The following FANCD2 variants were observed in gnomAD, a reference collection of about 807,000 sequenced individuals.
FANCD2 encodes Fanconi anemia group D2 protein.
A neutral mutation model predicts 192.3 loss-of-function variants in FANCD2; 131 were observed. The observed-to-expected ratio is 0.68, with a 90% CI of 0.59 to 0.79. The LOEUF (loss-of-function observed/expected upper bound fraction) is 0.79. FANCD2 is among the 30% of genes least tolerant of loss of function. The pLI, the probability that FANCD2 is intolerant of heterozygous loss-of-function variation, is 0.00. For missense variants in FANCD2, 1,508 were observed against 1,701.6 expected (o/e 0.89, Z 2.00); for synonymous variants, 524 against 612.5 (o/e 0.86, Z 2.13).
At chr3:10,033,153 A>G (rs1218284742) in intron 3 of FANCD2, among the ~76,000 whole-genome samples, 181 bp downstream of exon 3, 1 of 152,128 alleles carries the variant, frequency 6.6e-6, no homozygotes, top group Non-Finnish European at 1.5e-5. Flanking sequence ...GCTCACGTTT[A>G]TCATCCCAGC....
chr3:10,031,313 C>T (rs879798228), intron 2 of FANCD2, among the ~76,000 whole-genome samples: 2 of 152,048 alleles, frequency 1.3e-5, no homozygotes, highest in Non-Finnish European at 2.9e-5. Flanking sequence ...ACCATCTTGG[C>T]TAACATGGTG....
intron 36 of FANCD2, 28 bp downstream of exon 36, chr3:10,088,978 C>T (rs998063568): frequency 6.2e-7 from 1 of 1,612,976 alleles, no homozygotes; most frequent in African/African-American, 1.3e-5. Flanking sequence ...TCCAGTTTTT[C>T]CCTTAAGATA....
chr3:10,076,284 C>CTTT (rs58896767), intron 29 of FANCD2, among the ~76,000 whole-genome samples: 48 of 144,912 alleles, frequency 3.3e-4, no homozygotes, highest in African/African-American at 9.5e-4. Flanking sequence ...TTGAATTAGT[C>CTTT]TTTTTTTTTT....
intron 24 of FANCD2, 28 bp downstream of exon 24, chr3:10,065,522 C>T (rs767300525): frequency 7.2e-7 from 1 of 1,385,078 alleles, no homozygotes; most frequent in Admixed American, 1.7e-5. Flanking sequence ...CAGATCCTTT[C>T]TTCTTTATAC....
chr3:10,094,458 C>A, intron 40 of FANCD2, 95 bp downstream of exon 40: 2 of 1,040,362 alleles, frequency 1.9e-6, no homozygotes, highest in Non-Finnish European at 3.0e-6. Flanking sequence ...GAGTGTTCTA[C>A]CTGGGCTCCT....
intron 42 of FANCD2, 120 bp from the exon 43 acceptor site, chr3:10,098,600 T>A: frequency 8.2e-7 from 1 of 1,212,514 alleles, no homozygotes; most frequent in Non-Finnish European, 1.2e-6. Context: ...TATCCATGTT[T>A]GCTGTGTTTT....
intron 26 of FANCD2, among the ~76,000 whole-genome samples, chr3:10,069,459 G>GGC (rs758011243): frequency 3.6e-4 from 46 of 129,494 alleles, no homozygotes; most frequent in African/African-American, 1.8e-3. Flanking sequence ...TAGTTAAGAT[G>GGC]CCTCTCCCCC....
intron 36 of FANCD2, 120 bp downstream of exon 36, chr3:10,089,070 G>C: frequency 2.6e-6 from 3 of 1,161,886 alleles, no homozygotes; most frequent in Non-Finnish European, 3.8e-6. Flanking sequence ...ATCACCTTGA[G>C]GTCAGGAGTT....
chr3:10,040,578 G>A (rs1055595938), intron 9 of FANCD2: 37 of 456,394 alleles, frequency 8.1e-5, no homozygotes, highest in Admixed American at 3.3e-4. Context: ...GACCGCTTGC[G>A]GAGACCCATT....
chr3:10,034,335 A>AC, intron 3 of FANCD2, 134 bp from the exon 4 acceptor site: 1 of 689,998 alleles, frequency 1.4e-6, no homozygotes, highest in East Asian at 2.7e-5. Flanking sequence ...AAAAAAAAAA[A>AC]AAAAAAAAAA....
At chr3:10,088,565 A>G (rs1288294704) in intron 35 of FANCD2, 23 bp downstream of exon 35, 8 of 1,479,346 alleles carry the variant, frequency 5.4e-6, no homozygotes, top group East Asian at 2.3e-5. Flanking sequence ...GTTTCTTCCA[A>G]TGAGCCAAAT....
chr3:10,088,682 ACAT>A, intron 35 of FANCD2, 140 bp downstream of exon 35: 1 of 1,096,212 alleles, frequency 9.1e-7, no homozygotes, highest in South Asian at 1.3e-5. Context: ...ACAATTTGGA[ACAT>A]GTGGATCTTA....
intron 7 of FANCD2, among the ~76,000 whole-genome samples, chr3:10,039,011 C>T (rs1211772489): frequency 6.6e-6 from 1 of 152,158 alleles, no homozygotes; most frequent in Non-Finnish European, 1.5e-5. Context: ...GAGATGCTGT[C>T]TAGCCCTGTC....
In FANCD2 at chr3:10,078,647, C is replaced by A. The variant is rs563151437; in HGVS notation, c.2976+450C>A. On this transcript the variant is annotated intron_variant, in intron 30 of 43. Coordinates refer to ENST00000675286, the MANE Select transcript of FANCD2 (RefSeq NM_001018115.3). ...GGGATTACGGGCATGAGCCACCGCG[C>A]CCGGCCTCATCTTGCTTTAAATAGG... is the stretch of plus-strand genomic sequence containing the variant. Among the ~76,000 whole-genome samples the A allele has an allele frequency of 1.5e-3, 234 of 151,700 alleles. 2 individuals are homozygous for A. Among genetic ancestry groups the A allele is most frequent in the African/African-American group, 5.6e-3 (231 of 41,498 alleles).
chr3:10,086,516 G>C (rs1694214870), intron 33 of FANCD2, among the ~76,000 whole-genome samples: 1 of 151,756 alleles, frequency 6.6e-6, no homozygotes, highest in Non-Finnish European at 1.5e-5. Context: ...CTTTGAGAGA[G>C]AGTCTCACTT....
chr3:10,101,304 C>T lies in FANCD2; in HGVS notation c.*42C>T, dbSNP rs762706688. 2 of 1,423,062 alleles carry T rather than the reference C, an allele frequency of 1.4e-6. No individual in the cohort carries two copies. The highest frequency in any genetic ancestry group is 3.4e-5 in the Admixed American group (2 of 59,692). 88.2% of individuals were successfully genotyped at this position (1,423,062 alleles called of 1,614,324 possible). A position where few individuals can be genotyped will look rare whatever the true frequency, so the allele number is the denominator to read the frequency against. On this transcript the variant is annotated 3_prime_UTR_variant, in exon 44 of 44. Coordinates refer to ENST00000675286, the MANE Select transcript of FANCD2 (RefSeq NM_001018115.3). Reference sequence around the variant, plus strand: ...TGCCTGCTTCTGTGTCTCTGCCAGCCTGTGATCATTTTGTGTTAGAGTTTG... The same window carrying T: ...TGCCTGCTTCTGTGTCTCTGCCAGCTTGTGATCATTTTGTGTTAGAGTTTG...
chr3:10,076,200 T>C (rs1693533627), intron 29 of FANCD2, among the ~76,000 whole-genome samples: 1 of 152,074 alleles, frequency 6.6e-6, no homozygotes, highest in African/African-American at 2.4e-5. Flanking sequence ...CTGCCCAGAG[T>C]TAATAGTAGC....
chr3:10,074,193 G>A (rs1156243546), intron 28 of FANCD2, among the ~76,000 whole-genome samples: 5 of 151,994 alleles, frequency 3.3e-5, no homozygotes, highest in African/African-American at 1.2e-4. Context: ...ATCCACCCAC[G>A]TCAGCCTCCC....
rs768851756 is a variant in FANCD2 at position 10,032,838 on chromosome 3, G to A, written c.71G>A (p.Arg24Lys). The A allele has an allele frequency of 6.2e-7, 1 of 1,612,652 alleles. No homozygotes were observed. Among genetic ancestry groups the A allele is most frequent in the East Asian group, 2.2e-5 (1 of 44,812 alleles). Residue 24 changes from arginine to lysine, a missense_variant, in exon 3 of 44, where the codon AGG becomes AAG. Coordinates refer to ENST00000675286, the MANE Select transcript of FANCD2 (RefSeq NM_001018115.3). Reference protein sequence around the residue: ...ESLTEDASKTRKQPLSKKTKK... With the variant: ...ESLTEDASKTKKQPLSKKTKK... ...AAAATTTTTCTATTTTCAGAAACCAGGAAGCAACCACTTTCCAAAAAGACA... is the reference window on the plus strand; with the variant it reads ...AAAATTTTTCTATTTTCAGAAACCAAGAAGCAACCACTTTCCAAAAAGACA...
Sources: gnomAD v4.1 joint callset for allele counts (sites outside exome capture counted in the v4.1 genomes callset) on GRCh38, gnomAD v4.1.1 for gene constraint, MANE v1.5 for transcripts, NCBI Gene and HGNC (gene_info 2026-07-23, HGNC 2026-07-21) for gene names.